The following GALNT2 variants were observed in gnomAD, a reference collection of about 807,000 sequenced individuals.
GALNT2 encodes UDP-GalNAc:polypeptide N-acetylgalactosaminyltransferase 2.
Under a neutral mutation model 81.4 loss-of-function variants are expected in GALNT2, and 31 were observed. That is an observed-to-expected ratio of 0.38 (90% confidence interval 0.29 to 0.51). The LOEUF is 0.51. GALNT2 is among the 20% of genes least tolerant of loss of function. The pLI is 0.87. For synonymous variants in GALNT2, 303 were observed against 287.4 expected (o/e 1.05, Z -0.55); for missense variants, 629 against 765.7 (o/e 0.82, Z 2.11).
intron 1 of GALNT2, among the ~76,000 whole-genome samples, chr1:230,085,483 A>G (rs1263451858): frequency 6.6e-6 from 1 of 152,200 alleles, no homozygotes; most frequent in Non-Finnish European, 1.5e-5. Context: ...TTTCCTGCCC[A>G]GTCCACTGCC....
intron 1 of GALNT2, among the ~76,000 whole-genome samples, chr1:230,105,906 C>T (rs925234109): frequency 1.3e-5 from 2 of 152,128 alleles, no homozygotes; most frequent in African/African-American, 4.8e-5. Flanking sequence ...ATCTGCCAGT[C>T]AGCATGCACA....
chr1:230,250,436 C>T (rs373536393), intron 9 of GALNT2, 21 bp from the exon 10 acceptor site: 7 of 1,599,942 alleles, frequency 4.4e-6, no homozygotes, highest in African/African-American at 2.7e-5. Flanking sequence ...TCCCTCCCCC[C>T]TCTTCTTTCT....
chr1:230,213,721 T>C (rs1216474787), intron 3 of GALNT2, among the ~76,000 whole-genome samples: 1 of 152,246 alleles, frequency 6.6e-6, no homozygotes, highest in South Asian at 2.1e-4. Context: ...CCTTGCATCC[T>C]CCTACGTTTT....
chr1:230,184,269 A>C (rs1008951648), intron 2 of GALNT2, among the ~76,000 whole-genome samples: 5 of 151,656 alleles, frequency 3.3e-5, no homozygotes, highest in Non-Finnish European at 7.4e-5. Flanking sequence ...GCTCACTGCA[A>C]GCTCTGCCTT....
chr1:230,166,087 C>T (rs1398042762), intron 1 of GALNT2, among the ~76,000 whole-genome samples: 1 of 151,700 alleles, frequency 6.6e-6, no homozygotes, highest in Non-Finnish European at 1.5e-5. Context: ...TGACAGTGTC[C>T]TCTGCACAAA....
chr1:230,209,322 G>A (rs990518489), intron 3 of GALNT2, among the ~76,000 whole-genome samples: 1 of 152,192 alleles, frequency 6.6e-6, no homozygotes, highest in African/African-American at 2.4e-5. Context: ...CTTTGTGGAG[G>A]TGATTAAGGT....
At chr1:230,188,155 G>A (rs1423732812) in intron 2 of GALNT2, among the ~76,000 whole-genome samples, 2 of 152,174 alleles carry the variant, frequency 1.3e-5, no homozygotes, top group Admixed American at 6.5e-5. Context: ...GAAAATACTT[G>A]ACAATGTCTG....
At chr1:230,245,592 T>C (rs193236862) in intron 7 of GALNT2, among the ~76,000 whole-genome samples, 74 of 152,154 alleles carry the variant, frequency 4.9e-4, no homozygotes, top group African/African-American at 1.6e-3. Context: ...CACATCTCTC[T>C]CACACACACA....
chr1:230,270,093 C>T (rs569214199), intron 14 of GALNT2, among the ~76,000 whole-genome samples: 17 of 152,102 alleles, frequency 1.1e-4, no homozygotes, highest in South Asian at 4.2e-4. Context: ...CCCAGCTACT[C>T]GGGGAGCTGA....
chr1:230,263,028 T>A (rs1356631674), intron 13 of GALNT2, 23 bp downstream of exon 13: 1 of 1,589,256 alleles, frequency 6.3e-7, no homozygotes, highest in East Asian at 2.2e-5. Context: ...GGATCTGGGG[T>A]TTCACTTTGT....
At chr1:230,063,731 G>A (rs569775437), upstream of GALNT2, among the ~76,000 whole-genome samples, 1 of 152,250 alleles carries the variant, frequency 6.6e-6, no homozygotes, top group African/African-American at 2.4e-5. Context: ...GTTTAGGAAG[G>A]GAAGTTTTGG....
chr1:230,062,182 T>C (rs1195539132), intron 1 of GALNT2, among the ~76,000 whole-genome samples: 2 of 152,202 alleles, frequency 1.3e-5, no homozygotes, highest in Admixed American at 6.5e-5. Flanking sequence ...TTTCCATATG[T>C]TTATGGACTC....
intron 7 of GALNT2, among the ~76,000 whole-genome samples, chr1:230,244,231 T>C (rs1004070043): frequency 6.6e-6 from 1 of 152,052 alleles, no homozygotes; most frequent in African/African-American, 2.4e-5. Flanking sequence ...ATTATGAAGA[T>C]CATATTCATT....
intron 1 of GALNT2, among the ~76,000 whole-genome samples, chr1:230,120,528 T>C (rs1034872285): frequency 6.6e-6 from 1 of 152,150 alleles, no homozygotes; most frequent in Admixed American, 6.5e-5. Flanking sequence ...CATGTCTAAG[T>C]GGAGTCCCGG....
chr1:230,105,884 A>G (rs1489673553), intron 1 of GALNT2, among the ~76,000 whole-genome samples: 2 of 151,942 alleles, frequency 1.3e-5, no homozygotes, highest in African/African-American at 4.8e-5. Flanking sequence ...CTGATGCCAG[A>G]TCCAGCGCTG....
Position 230,280,283 on chromosome 1 carries a change from A to T in GALNT2, c.*825A>T. 2 of 305,498 alleles carry T rather than the reference A, an allele frequency of 6.5e-6. No individual in the cohort carries two copies. The highest frequency in any genetic ancestry group is 1.3e-5 in the Non-Finnish European group (2 of 153,600). The allele number at this position is 305,498 out of a possible 1,614,324, so 18.9% of individuals were successfully genotyped here. ...CCAGCTGGGGGGCTTCCTCCAGACC[A>T]CCGGCCTCGGCCCCGGCATCCCTGT... On this transcript the variant is annotated 3_prime_UTR_variant, in exon 16 of 16. Transcript: ENST00000366672.
At chr1:230,167,095 T>TTA (rs1190627959) in intron 1 of GALNT2, among the ~76,000 whole-genome samples, 27 of 151,906 alleles carry the variant, frequency 1.8e-4, no homozygotes, top group Admixed American at 1.0e-3. Flanking sequence ...TGAGACTCTT[T>TTA]TTTTTTTTTC....
chr1:230,173,178 C>G (rs1365497619), intron 1 of GALNT2, among the ~76,000 whole-genome samples: 7 of 152,312 alleles, frequency 4.6e-5, no homozygotes, highest in Admixed American at 2.0e-4. Context: ...GCCCAGATGC[C>G]ATTTACAAAG....
chr1:230,244,322 G>C (rs929420287), intron 7 of GALNT2, among the ~76,000 whole-genome samples: 8 of 151,984 alleles, frequency 5.3e-5, no homozygotes, highest in Non-Finnish European at 1.0e-4. Flanking sequence ...AGGTAAACAG[G>C]CTGGGGTTCA....
Sources: gnomAD v4.1 joint callset for allele counts (sites outside exome capture counted in the v4.1 genomes callset) on GRCh38, gnomAD v4.1.1 for gene constraint, MANE v1.5 for transcripts, NCBI Gene and HGNC (gene_info 2026-07-23, HGNC 2026-07-21) for gene names.